Variants in FOXP2 observed in about 807,000 individuals in gnomAD.
FOXP2 encodes forkhead box protein P2.
A neutral mutation model predicts 115.8 loss-of-function variants in FOXP2; 12 were observed. The ratio of observed to expected loss-of-function variants is 0.10; its 90% CI spans 0.07 to 0.17. The LOEUF (loss-of-function observed/expected upper bound fraction) is 0.17. Ranked by LOEUF, FOXP2 falls within the 10% of genes least tolerant of loss-of-function variation. The pLI, the probability that FOXP2 is intolerant of heterozygous loss-of-function variation, is 1.00. For missense variants in FOXP2, 629 were observed against 843.5 expected (o/e 0.75, Z 3.15); for synonymous variants, 328 against 297.7 (o/e 1.10, Z -1.05).
intron 2 of FOXP2, among the ~76,000 whole-genome samples, chr7:114,506,020 C>G (rs934663517): frequency 6.6e-6 from 1 of 151,326 alleles, no homozygotes; most frequent in Admixed American, 6.6e-5. Context: ...TTTTCTACTT[C>G]CACTCCCACA....
At chr7:114,485,443 TA>T (rs1796732055) in intron 2 of FOXP2, among the ~76,000 whole-genome samples, 1 of 151,990 alleles carries the variant, frequency 6.6e-6, no homozygotes, top group African/African-American at 2.4e-5. Context: ...AAATAGTTTA[TA>T]AAAGTTAATC....
chr7:114,444,932 T>C (rs1170939643), intron 2 of FOXP2, among the ~76,000 whole-genome samples: 4 of 152,178 alleles, frequency 2.6e-5, no homozygotes, highest in Non-Finnish European at 5.9e-5. Flanking sequence ...TCTACAGTTA[T>C]CATGCATTCT....
intron 2 of FOXP2, among the ~76,000 whole-genome samples, chr7:114,339,239 G>T (rs1791133973): frequency 6.6e-6 from 1 of 151,088 alleles, no homozygotes; most frequent in Admixed American, 6.6e-5. Flanking sequence ...TAAACTAAGA[G>T]CATGATTTTG....
intron 16 of FOXP2, among the ~76,000 whole-genome samples, chr7:114,680,761 A>G (rs1808046106): frequency 6.6e-6 from 1 of 151,686 alleles, no homozygotes; most frequent in Non-Finnish European, 1.5e-5. Flanking sequence ...AAAAAAAAAA[A>G]GTTGAAGAAA....
At chr7:114,300,929 C>T (rs1383229086) in intron 2 of FOXP2, among the ~76,000 whole-genome samples, 1 of 151,846 alleles carries the variant, frequency 6.6e-6, no homozygotes, top group Admixed American at 6.6e-5. Context: ...ATTCTTAGCC[C>T]CATGAGACAA....
chr7:114,576,015 G>A (rs911306201), intron 3 of FOXP2, among the ~76,000 whole-genome samples: 2 of 151,708 alleles, frequency 1.3e-5, no homozygotes, highest in Admixed American at 1.3e-4. Flanking sequence ...TTTTTGAGTA[G>A]GTTTTATTGA....
At chr7:114,623,478 A>T (rs1429897282) in intron 3 of FOXP2, among the ~76,000 whole-genome samples, 1 of 151,982 alleles carries the variant, frequency 6.6e-6, no homozygotes, top group Non-Finnish European at 1.5e-5. Flanking sequence ...TAAACCAAAG[A>T]TGTATGTAAA....
chr7:114,263,942 A>G (rs1795826381), intron 1 of FOXP2, among the ~76,000 whole-genome samples: 1 of 151,898 alleles, frequency 6.6e-6, no homozygotes, highest in Non-Finnish European at 1.5e-5. Context: ...AAAGCCTTTA[A>G]TATTTGTGTG....
intron 2 of FOXP2, among the ~76,000 whole-genome samples, chr7:114,406,624 T>C (rs1793043119): frequency 6.6e-6 from 1 of 151,978 alleles, no homozygotes; most frequent in South Asian, 2.1e-4. Context: ...GCAGTTTCCA[T>C]TCTGAAAAAG....
intron 1 of FOXP2, among the ~76,000 whole-genome samples, chr7:114,178,892 T>G: frequency 6.6e-6 from 1 of 151,904 alleles, no homozygotes; most frequent in Non-Finnish European, 1.5e-5. Flanking sequence ...TCACTGTCCC[T>G]CCCTCTTTTT....
At chr7:114,201,069 T>A (rs1444339515) in intron 1 of FOXP2, among the ~76,000 whole-genome samples, 1 of 152,072 alleles carries the variant, frequency 6.6e-6, no homozygotes, top group East Asian at 1.9e-4. Context: ...GGCAGGAGAA[T>A]CTCTTGAATC....
rs988201496 is a variant in FOXP2, at chr7:114,404,041, T to G, written c.-10-22461T>G. 4.1e-4 allele frequency among the ~76,000 whole-genome samples: 62 copies of G among 152,184 alleles called. 1 individual carries two copies. The highest frequency in any genetic ancestry group is 1.4e-3 in the African/African-American group (60 of 41,444). ...GAGGGCAGTGTAAATTCACTAATAC[T>G]ATAGTTAGCTTTATATATGGTTAGC... is the stretch of plus-strand genomic sequence containing the variant. On this transcript the variant is annotated intron_variant, in intron 2 of 17. Coordinates refer to the FOXP2 transcript ENST00000634411.
chr7:114,647,589 G>A (rs780484170), intron 8 of FOXP2, among the ~76,000 whole-genome samples: 87 of 151,738 alleles, frequency 5.7e-4, no homozygotes, highest in Non-Finnish European at 1.1e-3. Flanking sequence ...AAATTTTTGA[G>A]TTTTAGTGTA....
intron 1 of FOXP2, among the ~76,000 whole-genome samples, chr7:114,096,726 C>T (rs1276345984): frequency 1.3e-5 from 2 of 152,126 alleles, no homozygotes; most frequent in Non-Finnish European, 2.9e-5. Context: ...TTAAAAACAA[C>T]TCATTTTTCT....
chr7:114,139,773 C>G (rs201988843), intron 1 of FOXP2, among the ~76,000 whole-genome samples: 110 of 152,210 alleles, frequency 7.2e-4, no homozygotes, highest in African/African-American at 2.6e-3. Flanking sequence ...TTCTAATCCT[C>G]AAATAACAGA....
chr7:114,372,869 T>C (rs1390396399), intron 2 of FOXP2, among the ~76,000 whole-genome samples: 2 of 152,236 alleles, frequency 1.3e-5, no homozygotes, highest in Non-Finnish European at 2.9e-5. Context: ...CATGAAGATT[T>C]TGAACCTTGT....
chr7:114,491,915 G>T (rs572212907), intron 2 of FOXP2, among the ~76,000 whole-genome samples: 1 of 152,160 alleles, frequency 6.6e-6, no homozygotes, highest in African/African-American at 2.4e-5. Context: ...TCAGGATGAT[G>T]CTGCCCTCAT....
intron 3 of FOXP2, among the ~76,000 whole-genome samples, chr7:114,552,885 T>A (rs1335098044): frequency 6.6e-6 from 1 of 152,152 alleles, no homozygotes; most frequent in Non-Finnish European, 1.5e-5. Context: ...TAACTTAGCT[T>A]TATCGCCTAA....
chr7:114,693,489 C>T lies in FOXP2; in HGVS notation c.*3563C>T, dbSNP rs148596176. On this transcript the variant is annotated 3_prime_UTR_variant, in exon 17 of 17. Transcript: ENST00000350908. Reference sequence around the variant, plus strand: ...TCTTACACATGCCAGTATTAACACACATTTGGACAATAGCTTTATTAAGTC... The same window carrying T: ...TCTTACACATGCCAGTATTAACACATATTTGGACAATAGCTTTATTAAGTC... 3.5e-3 allele frequency: 1,562 copies of T among 452,452 alleles called. 5 individuals carry two copies. Among genetic ancestry groups the T allele is most frequent in the Non-Finnish European group, 4.6e-3 (1,045 of 225,994 alleles). The allele number at this position is 452,452 out of a possible 1,614,324, so 28.0% of individuals were successfully genotyped here. A position where few individuals can be genotyped will look rare whatever the true frequency, so the allele number is the denominator to read the frequency against.
Sources: gnomAD v4.1 joint callset for allele counts (sites outside exome capture counted in the v4.1 genomes callset) on GRCh38, gnomAD v4.1.1 for gene constraint, MANE v1.5 for transcripts, NCBI Gene and HGNC (gene_info 2026-07-23, HGNC 2026-07-21) for gene names.